PI16: variants seen among roughly 807,000 people sequenced by gnomAD.
PI16 encodes PSP94-binding protein.
PI16 carries 35 observed loss-of-function variants against 38.0 expected under a neutral mutation model. That is an observed-to-expected ratio of 0.92 (90% confidence interval 0.70 to 1.22). The LOEUF (loss-of-function observed/expected upper bound fraction) is 1.22. PI16 is among the 50% of genes most tolerant of loss of function. The pLI, the probability that PI16 is intolerant of heterozygous loss-of-function variation, is 0.00. For missense variants in PI16, 572 were observed against 593.8 expected (o/e 0.96, Z 0.38); for synonymous variants, 275 against 252.9 (o/e 1.09, Z -0.83).
chr6:36,958,529 G>A (rs1376896822), intron 1 of PI16, among the ~76,000 whole-genome samples: 1 of 152,144 alleles, frequency 6.6e-6, no homozygotes, highest in Non-Finnish European at 1.5e-5. Context: ...ACATAGAGAC[G>A]CTTAATTTTC....
intron 1 of PI16, among the ~76,000 whole-genome samples, chr6:36,957,797 T>C (rs895219479): frequency 1.3e-5 from 2 of 152,222 alleles, no homozygotes; most frequent in Non-Finnish European, 2.9e-5. Context: ...AAGTATCTGT[T>C]GAGCACCTAC....
chr6:36,961,355 C>T (rs552502110), intron 2 of PI16, 96 bp from the exon 3 acceptor site: 1 of 1,076,650 alleles, frequency 9.3e-7, no homozygotes, highest in East Asian at 2.4e-5. Context: ...TAGGGTGCCT[C>T]TTCTCTCCAC....
At chr6:36,959,048 G>A in intron 1 of PI16, 97 bp from the exon 2 acceptor site, 1 of 1,073,130 alleles carries the variant, frequency 9.3e-7, no homozygotes, top group Non-Finnish European at 1.3e-6. Context: ...TGCTAAGGAG[G>A]TGCCGGAAGG....
upstream of PI16, among the ~76,000 whole-genome samples, chr6:36,953,091 G>A (rs550937188): frequency 3.9e-5 from 6 of 152,198 alleles, no homozygotes; most frequent in South Asian, 2.1e-4. Flanking sequence ...AGACCGAGGC[G>A]GGCGGATCAC....
chr6:36,952,375 T>C (rs1455674859), upstream of PI16, among the ~76,000 whole-genome samples: 3 of 152,250 alleles, frequency 2.0e-5, no homozygotes, highest in Non-Finnish European at 4.4e-5. Context: ...CAAGAAATCC[T>C]TGCCACATCC....
chr6:36,953,724 G>C (rs368897473), upstream of PI16, among the ~76,000 whole-genome samples: 3 of 152,072 alleles, frequency 2.0e-5, no homozygotes, highest in African/African-American at 7.2e-5. Context: ...TTCATGAACC[G>C]GTCATGGCCC....
rs768884774 is a variant in PI16 at position 36,959,344 on chromosome 6, A to G, written c.371A>G (p.Gln124Arg). ...AGCGCCGCCACCTGCAGCCCAGGCC[A>G]GATGTGCGGCCACTACACGCAGGTG... ...NLSAATCSPGQMCGHYTQVVW... is the reference protein window; with the variant it reads ...NLSAATCSPGRMCGHYTQVVW... Residue 124 changes from glutamine to arginine, a missense_variant, in exon 2 of 7, where the codon CAG becomes CGG. By Grantham distance (43) the Gln-to-Arg change is conservative. Transcript: ENST00000373674. 4.5e-6 allele frequency: 7 copies of G among 1,562,780 alleles called. No homozygotes were observed. The African/African-American group carries it at 9.5e-5, about 21-fold the overall frequency.
intron 1 of PI16, among the ~76,000 whole-genome samples, chr6:36,956,862 G>T (rs697748): frequency 0.24 from 35,731 of 152,008 alleles, 4,305 homozygotes; most frequent in East Asian, 0.4. Flanking sequence ...GGCAGGTGGG[G>T]GTTATCATGA....
Position 36,963,833 on chromosome 6 carries a change from C to T in PI16, c.1281C>T (p.Gly427=), listed in dbSNP as rs1230707570. 1.9e-6 allele frequency: 3 copies of T among 1,598,172 alleles called. No homozygotes were observed. Among genetic ancestry groups the T allele is most frequent in the Non-Finnish European group, 2.6e-6 (3 of 1,173,888 alleles). ...TCTTTCTTCCCACAGGTGCAGAGGG[C>T]CCTGACAAGCCTAGCGTCGTGTCAG... ...ALQSSLPGAE[G]PDKPSVVSGL... is the part of the protein sequence containing the mutation. Residue 427 remains glycine, a synonymous_variant, in exon 6 of 7, where the codon GGC becomes GGT. Transcript: ENST00000373674.
intron 1 of PI16, among the ~76,000 whole-genome samples, chr6:36,949,445 C>G (rs2150732001): frequency 6.6e-6 from 1 of 152,236 alleles, no homozygotes; most frequent in East Asian, 1.9e-4. Flanking sequence ...ATTTCTATCT[C>G]AAGCCTAAGT....
chr6:36,955,289 A>G (rs1034563586), intron 1 of PI16, among the ~76,000 whole-genome samples: 1 of 152,176 alleles, frequency 6.6e-6, no homozygotes, highest in Admixed American at 6.5e-5. Flanking sequence ...CCTCAAATGC[A>G]TGTGCCCTCA....
intron 3 of PI16, 28 bp from the exon 4 acceptor site, chr6:36,961,858 C>T (rs1421553790): frequency 6.3e-7 from 1 of 1,588,026 alleles, no homozygotes; most frequent in African/African-American, 1.3e-5. Context: ...CGACCCCCTC[C>T]CCGCAGCATC....
exon 1 of PI16, chr6:36,948,363 A>T (rs1269146626): frequency 1.3e-5 from 2 of 152,242 alleles, no homozygotes; most frequent in African/African-American, 4.8e-5. Context: ...GCATCTGAGA[A>T]CTGTGTCCTT....
intron 1 of PI16, among the ~76,000 whole-genome samples, chr6:36,955,712 G>C (rs117226063): frequency 1.3e-5 from 2 of 152,196 alleles, no homozygotes; most frequent in Non-Finnish European, 2.9e-5. Context: ...TACTATTTAT[G>C]TCCTGGTGAA....
At chr6:36,960,606 T>C (rs1389568646) in intron 2 of PI16, among the ~76,000 whole-genome samples, 1 of 151,416 alleles carries the variant, frequency 6.6e-6, no homozygotes, top group Non-Finnish European at 1.5e-5. Context: ...TCCTGGCCCT[T>C]TCCCTCTGGA....
At chr6:36,952,577 G>A (rs780790161), upstream of PI16, among the ~76,000 whole-genome samples, 15 of 152,110 alleles carry the variant, frequency 9.9e-5, no homozygotes, top group Non-Finnish European at 1.9e-4. Flanking sequence ...CTCGTTGAAC[G>A]GTCTTGGTAC....
upstream of PI16, among the ~76,000 whole-genome samples, chr6:36,950,957 G>A (rs1763090102): frequency 6.6e-6 from 1 of 152,166 alleles, no homozygotes. This position sits in a 1 kb window ranked among gnomAD's most constrained non-coding sequence, Gnocchi z 4.2. Flanking sequence ...CACAGTGGCT[G>A]CACCTTTTAC....
At chr6:36,955,053 G>T in intron 1 of PI16, 122 bp downstream of exon 1, 2 of 1,425,266 alleles carry the variant, frequency 1.4e-6, no homozygotes, top group South Asian at 1.5e-5. Context: ...CCTTTTTCTG[G>T]TCAGTGACAG....
At chr6:36,956,313 G>A (rs943775835) in intron 1 of PI16, among the ~76,000 whole-genome samples, 151 of 152,314 alleles carry the variant, frequency 9.9e-4, no homozygotes, top group African/African-American at 3.5e-3. Flanking sequence ...TGAGGCCTGT[G>A]ACTCATTGTT....
Sources: allele counts gnomAD v4.1 joint callset (sites outside exome capture counted in the v4.1 genomes callset), GRCh38; gene constraint gnomAD v4.1.1; non-coding constraint Gnocchi (gnomAD v3.1); transcripts MANE v1.5; gene names NCBI Gene and HGNC (gene_info 2026-07-23, HGNC 2026-07-21).